Variants in PPARGC1A observed in about 807,000 individuals in gnomAD.
The protein encoded by PPARGC1A is PPARG coactivator 1 alpha.
In PPARGC1A, 25 loss-of-function variants were observed where a neutral mutation model predicts 88.7. The ratio of observed to expected loss-of-function variants is 0.28; its 90% CI spans 0.21 to 0.39. The LOEUF (loss-of-function observed/expected upper bound fraction) is 0.39. Among genes scored for constraint, PPARGC1A ranks in the 10% least tolerant of loss-of-function variants. The probability of loss-of-function intolerance (pLI) is 1.00; values close to 1 mark genes in which losing one functional copy is unlikely to be tolerated. For synonymous variants in PPARGC1A, 363 were observed against 355.6 expected, an observed-to-expected ratio of 1.02 and a Z score of -0.24; for missense variants, 880 against 968.7, an observed-to-expected ratio of 0.91 and a Z score of 1.22.
At chr4:24,419,063 A>G in the PPARGC1A span, among the ~76,000 whole-genome samples, 1 of 152,180 alleles carries the variant, frequency 6.6e-6, no homozygotes, top group Non-Finnish European at 1.5e-5. Context: ...AAAGGAAAAA[A>G]AATACTTTTG....
the PPARGC1A span, among the ~76,000 whole-genome samples, chr4:24,269,603 A>G: frequency 6.6e-6 from 1 of 152,174 alleles, no homozygotes; most frequent in African/African-American, 2.4e-5. Context: ...TAATAAAAGT[A>G]TATTACTTAG....
the PPARGC1A span, among the ~76,000 whole-genome samples, chr4:24,015,431 T>C: frequency 6.6e-6 from 1 of 152,142 alleles, no homozygotes; most frequent in Non-Finnish European, 1.5e-5. Context: ...GGTAAAACAG[T>C]TGCTATTTAC....
At chr4:24,443,180 T>C in the PPARGC1A span, among the ~76,000 whole-genome samples, 5 of 152,132 alleles carry the variant, frequency 3.3e-5, no homozygotes, top group East Asian at 9.6e-4. Context: ...TCAAATAACG[T>C]TCATCATTAC....
At chr4:24,198,369 C>T in the PPARGC1A span, among the ~76,000 whole-genome samples, 1 of 152,156 alleles carries the variant, frequency 6.6e-6, no homozygotes, top group African/African-American at 2.4e-5. Flanking sequence ...TTGTAAACTC[C>T]CTACCTTGGC....
At chr4:23,846,254 A>G (rs1222309427) in intron 2 of PPARGC1A, among the ~76,000 whole-genome samples, 1 of 152,206 alleles carries the variant, frequency 6.6e-6, no homozygotes, top group Non-Finnish European at 1.5e-5. Context: ...ACTGAATAGT[A>G]AAAGCTGCGT....
At chr4:24,048,205 G>A in the PPARGC1A span, among the ~76,000 whole-genome samples, 1 of 151,986 alleles carries the variant, frequency 6.6e-6, no homozygotes, top group Non-Finnish European at 1.5e-5. Flanking sequence ...CGTCACCCTT[G>A]CTGTGCAGTC....
chr4:23,908,500 A>G (rs1174264877), upstream of PPARGC1A, among the ~76,000 whole-genome samples: 4 of 128,482 alleles, frequency 3.1e-5, no homozygotes, highest in Non-Finnish European at 6.5e-5. Flanking sequence ...ACCACTCATA[A>G]GGAGAATAGG....
At chr4:24,471,775 G>C in the PPARGC1A span, among the ~76,000 whole-genome samples, 1 of 152,244 alleles carries the variant, frequency 6.6e-6, no homozygotes, top group East Asian at 1.9e-4. The surrounding 1 kb of genome is among the most constrained non-coding windows in gnomAD (Gnocchi z 5.4). Flanking sequence ...GGGTGCTTCT[G>C]TGCCCCAGGG....
At chr4:24,358,930 ATG>A in the PPARGC1A span, among the ~76,000 whole-genome samples, 1 of 152,252 alleles carries the variant, frequency 6.6e-6, no homozygotes, top group Admixed American at 6.5e-5. Flanking sequence ...TTTCCCACCT[ATG>A]TGTTTCTTCC....
the PPARGC1A span, among the ~76,000 whole-genome samples, chr4:24,417,409 C>A: frequency 6.6e-6 from 1 of 152,168 alleles, no homozygotes; most frequent in African/African-American, 2.4e-5. Flanking sequence ...TTTGAAACCT[C>A]ACTGATGAAG....
chr4:24,001,730 T>C, the PPARGC1A span, among the ~76,000 whole-genome samples: 1 of 152,088 alleles, frequency 6.6e-6, no homozygotes, highest in Non-Finnish European at 1.5e-5. Context: ...GTAATCTCCT[T>C]CAGGAGCTTT....
the PPARGC1A span, among the ~76,000 whole-genome samples, chr4:24,188,857 A>T: frequency 3.3e-5 from 5 of 152,144 alleles, no homozygotes. Context: ...TATTCATGTC[A>T]GCATTATTCA....
chr4:24,328,913 T>C, the PPARGC1A span, among the ~76,000 whole-genome samples: 1 of 152,202 alleles, frequency 6.6e-6, no homozygotes, highest in African/African-American at 2.4e-5. Context: ...ACCAAACTTG[T>C]ATCAGTAAAC....
chr4:23,814,348 G>T lies in PPARGC1A; in HGVS notation c.1135C>A (p.Arg379=), dbSNP rs375868793. The T allele has an allele frequency of 6.2e-7, 1 of 1,613,976 alleles. No homozygotes were observed. The highest frequency in any genetic ancestry group is 8.5e-7 in the Non-Finnish European group (1 of 1,179,994). ...CAATAGTCATGGTCACCAAACAGCC[G>T]CAGACTGGGCCGCTTGGTCTTCCTT... ...EERKTKRPSL[R]LFGDHDYCQS... Residue 379 remains arginine, a synonymous_variant, in exon 8 of 13, where the codon CGG becomes AGG. Transcript: ENST00000264867.
chr4:24,225,819 T>C, the PPARGC1A span, among the ~76,000 whole-genome samples: 1 of 152,126 alleles, frequency 6.6e-6, no homozygotes, highest in Non-Finnish European at 1.5e-5. Flanking sequence ...AATGATTAGA[T>C]ATTCAAGCAG....
chr4:24,193,794 T>G, the PPARGC1A span, among the ~76,000 whole-genome samples: 1 of 151,716 alleles, frequency 6.6e-6, no homozygotes, highest in Non-Finnish European at 1.5e-5. Flanking sequence ...TGCTCCAGAG[T>G]CAAGCACAGT....
At chr4:24,321,035 T>G in the PPARGC1A span, among the ~76,000 whole-genome samples, 1 of 152,244 alleles carries the variant, frequency 6.6e-6, no homozygotes, top group South Asian at 2.1e-4. Flanking sequence ...GAGTTGCAAG[T>G]GTAGGGCCTG....
chr4:24,159,830 C>T, the PPARGC1A span, among the ~76,000 whole-genome samples: 2 of 152,126 alleles, frequency 1.3e-5, no homozygotes, highest in Non-Finnish European at 1.5e-5. Context: ...TGAGGTCTGG[C>T]TTTTGAAAAT....
the PPARGC1A span, among the ~76,000 whole-genome samples, chr4:24,390,460 C>T: frequency 6.6e-6 from 1 of 151,792 alleles, no homozygotes; most frequent in African/African-American, 2.4e-5. Context: ...GAAAAACCAC[C>T]CTAAATTCCA....
Sources: allele counts gnomAD v4.1 joint callset (sites outside exome capture counted in the v4.1 genomes callset), GRCh38; gene constraint gnomAD v4.1.1; non-coding constraint Gnocchi (gnomAD v3.1); transcripts MANE v1.5; gene names NCBI Gene and HGNC (gene_info 2026-07-23, HGNC 2026-07-21).